Variants in TMEM101 observed in about 807,000 individuals in gnomAD.
TMEM101 encodes the protein transmembrane protein 101.
TMEM101 carries 14 observed loss-of-function variants against 26.0 expected under a neutral mutation model. The observed-to-expected ratio is 0.54, with a 90% CI of 0.36 to 0.84. The LOEUF (loss-of-function observed/expected upper bound fraction) is 0.84. Among genes scored for constraint, TMEM101 ranks in the 40% least tolerant of loss-of-function variants. The pLI is 0.01. For missense variants in TMEM101, 292 were observed against 345.1 expected (o/e 0.85, Z 1.22); for synonymous variants, 152 against 145.1 (o/e 1.05, Z -0.34).
In TMEM101 at chr17:44,012,174, C is replaced by T. The variant is rs1430120156; in HGVS notation, c.528G>A (p.Gly176=). 6.2e-7 allele frequency: 1 copy of T among 1,614,200 alleles called. No individual in the cohort carries two copies. Among genetic ancestry groups the T allele is most frequent in the East Asian group, 2.2e-5 (1 of 44,886 alleles). Residue 176 remains glycine (G), a synonymous_variant, in exon 4 of 4, where the codon GGG becomes GGA. Transcript: ENST00000206380. ...CGAAGAACAGCTGGATCATCAGCTC[C>T]CCTCCTGGGAGATGGTTCAGATACG... ...RLAYLNHLPG[G]ELMIQLFFVL...
chr17:44,012,185 G>T lies in TMEM101; in HGVS notation c.517C>A (p.Leu173Ile), dbSNP rs369422095. The T allele has an allele frequency of 2.5e-5, 40 of 1,614,048 alleles. No homozygotes were observed. Among genetic ancestry groups the T allele is most frequent in the South Asian group, 1.9e-4 (17 of 91,084 alleles). Residue 173 changes from leucine to isoleucine, a missense_variant, in exon 4 of 4, where the codon CTC becomes ATC. By Grantham distance (5) the Leu-to-Ile change is conservative. Around this residue, in one of 2 missense-constraint regions of TMEM101, gnomAD observed 149 missense variants for 211.9 expected, o/e 0.70. Coordinates refer to ENST00000206380, the MANE Select transcript of TMEM101 (RefSeq NM_032376.4). ...KEDRLAYLNH[L>I]PGGELMIQLF... Reference sequence around the variant, plus strand: ...TGGATCATCAGCTCCCCTCCTGGGAGATGGTTCAGATACGCCAGCCGGTCC... The same window carrying T: ...TGGATCATCAGCTCCCCTCCTGGGATATGGTTCAGATACGCCAGCCGGTCC...
upstream of TMEM101, among the ~76,000 whole-genome samples, chr17:44,016,474 A>G (rs554509781): frequency 4.6e-5 from 7 of 152,204 alleles, no homozygotes; most frequent in East Asian, 1.2e-3. Context: ...CCCAGCCAAT[A>G]TATTTGTGAT....
At chr17:44,013,194 C>G in intron 2 of TMEM101, 39 bp from the exon 3 acceptor site, 1 of 1,488,986 alleles carries the variant, frequency 6.7e-7, no homozygotes, top group Non-Finnish European at 9.0e-7. Flanking sequence ...AGAACTGCAG[C>G]CGCCACATCT....
In TMEM101 at chr17:44,011,888, A is replaced by G; in HGVS notation, c.*40T>C. On this transcript the variant is annotated 3_prime_UTR_variant, in exon 4 of 4. Coordinates refer to ENST00000206380, the MANE Select transcript of TMEM101 (RefSeq NM_032376.4). ...CAAGGAGGAAGGCAGGGTGACCCTCAGTGGCTCCCTGTGCCCATCTCAGCC... is the reference window on the plus strand; with the variant it reads ...CAAGGAGGAAGGCAGGGTGACCCTCGGTGGCTCCCTGTGCCCATCTCAGCC... 1 of 1,559,544 alleles carries G rather than the reference A, an allele frequency of 6.4e-7. No homozygotes were observed. The highest frequency in any genetic ancestry group is 8.7e-7 in the Non-Finnish European group (1 of 1,146,412).
intron 1 of TMEM101, chr17:44,021,521 A>G (rs796603741): frequency 6.6e-6 from 1 of 152,260 alleles, no homozygotes; most frequent in Non-Finnish European, 1.5e-5. Context: ...ATATCTTCCC[A>G]GTATTGTTTT....
upstream of TMEM101, among the ~76,000 whole-genome samples, chr17:44,015,385 C>CT (rs11354004): frequency 1.6e-3 from 243 of 150,498 alleles, no homozygotes; most frequent in Non-Finnish European, 1.9e-3. Context: ...CTTTTTTTTT[C>CT]TTTTTTTTTT....
chr17:44,014,972 C>G, upstream of TMEM101: 1 of 1,600,828 alleles, frequency 6.2e-7, no homozygotes, highest in Middle Eastern at 1.7e-4. Flanking sequence ...GGGCAGTCCG[C>G]TGCGGCCTCA....
rs568840766 is a variant in TMEM101 at position 44,012,929 on chromosome 17, A to C, written c.465+80T>G. The C allele has an allele frequency of 3.3e-3, 4,673 of 1,419,072 alleles. 12 individuals carry two copies. Among genetic ancestry groups the C allele is most frequent in the Non-Finnish European group, 4.1e-3 (4,333 of 1,063,066 alleles). 87.9% of individuals were successfully genotyped at this position (1,419,072 alleles called of 1,614,324 possible). On this transcript the variant is annotated intron_variant, in intron 3 of 3. Transcript: ENST00000206380. ...GCACTCAGGGCCTCGTTCTGTGTCT[A>C]CCTTCCTGGGGTTCTGCCATGCCTA...
rs767804570 is a variant in TMEM101 at position 44,014,908 on chromosome 17, G to A, written c.45C>T (p.Ile15=). 6.2e-7 allele frequency: 1 copy of A among 1,614,006 alleles called. No individual in the cohort carries two copies. The highest frequency in any genetic ancestry group is 8.5e-7 in the Non-Finnish European group (1 of 1,179,942). ...TGAGCAGCACCGAACCCAACTGCAT[G>A]ATCAGCTGCAACATCCACCGTCTCG... ...IGSRRWMLQL[I]MQLGSVLLTR... is the part of the protein sequence containing the mutation. The change falls in exon 1 of 4, where the codon ATC becomes ATT. Residue 15 remains isoleucine (I), a synonymous_variant. Coordinates refer to ENST00000206380, the MANE Select transcript of TMEM101 (RefSeq NM_032376.4).
At chr17:44,015,950 C>T (rs1274176520), upstream of TMEM101, among the ~76,000 whole-genome samples, 1 of 152,080 alleles carries the variant, frequency 6.6e-6, no homozygotes, top group East Asian at 1.9e-4. Context: ...AATTGTCATA[C>T]TTTGTCAGTT....
intron 2 of TMEM101, 37 bp downstream of exon 2, chr17:44,014,320 C>G: frequency 6.5e-7 from 1 of 1,534,408 alleles, no homozygotes; most frequent in Non-Finnish European, 8.8e-7. Flanking sequence ...TTCCCCGTCA[C>G]CCAGAGGGAA....
upstream of TMEM101, among the ~76,000 whole-genome samples, chr17:44,018,574 C>T (rs1378956793): frequency 6.6e-6 from 1 of 152,212 alleles, no homozygotes; most frequent in African/African-American, 2.4e-5. Context: ...AGTCTCCTCA[C>T]CTCTCCGTTT....
At chr17:44,017,273 G>T (rs558603798), upstream of TMEM101, among the ~76,000 whole-genome samples, 1 of 151,900 alleles carries the variant, frequency 6.6e-6, no homozygotes, top group Non-Finnish European at 1.5e-5. Context: ...GACCAGCGTG[G>T]CCAACATGGT....
In TMEM101 at chr17:44,011,623, C is replaced by T. The variant is rs976191309; in HGVS notation, c.*305G>A. On this transcript the variant is annotated 3_prime_UTR_variant, in exon 4 of 4. Transcript: ENST00000206380. ...CTCCCACTCTCCCACTCTCAGTAGCCGCATCCCAGCCCTGCCATACTCCCT... is the reference window on the plus strand; with the variant it reads ...CTCCCACTCTCCCACTCTCAGTAGCTGCATCCCAGCCCTGCCATACTCCCT... The T allele has an allele frequency of 1.7e-5, 7 of 400,852 alleles. No homozygotes were observed. The highest frequency in any genetic ancestry group is 3.3e-5 in the South Asian group (1 of 30,094). 24.8% of individuals were successfully genotyped at this position (400,852 alleles called of 1,614,324 possible). A position where few individuals can be genotyped will look rare whatever the true frequency, so the allele number is the denominator to read the frequency against.
rs772746772 is a variant in TMEM101 at position 44,013,140 on chromosome 17, G to A, written c.334C>T (p.Arg112Cys). Residue 112 changes from arginine to cysteine, a missense_variant, in exon 3 of 4, where the codon CGC becomes TGC. Transcript: ENST00000206380. ...AAGCCGCCGATGATGGCAACTGTGC[G>A]CGAGTACATACGGACCTAGGCCGGG... ...GDWLKVRMYS[R>C]TVAIIGGFLV... 21 of 1,597,674 alleles carry A rather than the reference G, an allele frequency of 1.3e-5. No homozygotes were observed. Among genetic ancestry groups the A allele is most frequent in the African/African-American group, 4.0e-5 (3 of 74,640 alleles).
At chr17:44,016,811 C>A (rs12450548), upstream of TMEM101, among the ~76,000 whole-genome samples, 23,422 of 151,952 alleles carry the variant, frequency 0.15, 2,118 homozygotes, top group Non-Finnish European at 0.2. Context: ...TACAGGATGC[C>A]CTCAGGAAAT....
rs1597868807 is a variant in TMEM101 at position 44,011,746 on chromosome 17, C to T, written c.*182G>A. 1 of 663,802 alleles carries T rather than the reference C, an allele frequency of 1.5e-6. No homozygotes were observed. The highest frequency in any genetic ancestry group is 2.5e-6 in the Non-Finnish European group (1 of 398,106). 41.1% of individuals were successfully genotyped at this position (663,802 alleles called of 1,614,324 possible). A position where few individuals can be genotyped will look rare whatever the true frequency, so the allele number is the denominator to read the frequency against. On this transcript the variant is annotated 3_prime_UTR_variant, in exon 4 of 4. Coordinates refer to ENST00000206380, the MANE Select transcript of TMEM101 (RefSeq NM_032376.4). ...GTGCCAGGGCTCCTGCCCTCCCAAG[C>T]GCTGAGCCCAGAAATTTGGACAAAT... is the stretch of plus-strand genomic sequence containing the variant.
upstream of TMEM101, chr17:44,015,039 T>G (rs1219243905): frequency 1.3e-6 from 2 of 1,490,482 alleles, no homozygotes; most frequent in Middle Eastern, 1.8e-4. Context: ...GTCAAGCGCT[T>G]TTTCTTTTTC....
upstream of TMEM101, among the ~76,000 whole-genome samples, chr17:44,017,568 T>C (rs1597872982): frequency 7.5e-6 from 1 of 133,924 alleles, no homozygotes; most frequent in South Asian, 2.3e-4. Context: ...CACTCCAGCC[T>C]GGGTGACAAG....
Sources: allele counts gnomAD v4.1 joint callset (sites outside exome capture counted in the v4.1 genomes callset), GRCh38; gene constraint gnomAD v4.1.1; regional missense constraint gnomAD v4.1.1; transcripts MANE v1.5; gene names NCBI Gene and HGNC (gene_info 2026-07-23, HGNC 2026-07-21).